The following NCKAP5 variants were observed in gnomAD, a reference collection of about 807,000 sequenced individuals.
The protein encoded by NCKAP5 is NCK associated protein 5.
Under a neutral mutation model 167.0 loss-of-function variants are expected in NCKAP5, and 92 were observed. The ratio of observed to expected loss-of-function variants is 0.55; its 90% CI spans 0.47 to 0.66. The LOEUF is 0.66. Among genes scored for constraint, NCKAP5 ranks in the 30% least tolerant of loss-of-function variants. The pLI is 0.00. For synonymous variants in NCKAP5, 891 were observed against 877.4 expected, an observed-to-expected ratio of 1.02 and a Z score of -0.27; for missense variants, 2,378 against 2,315.0, an observed-to-expected ratio of 1.03 and a Z score of -0.56.
At chr2:133,470,155 G>A (rs1692938404) in intron 3 of NCKAP5, among the ~76,000 whole-genome samples, 1 of 152,026 alleles carries the variant, frequency 6.6e-6, no homozygotes, top group Non-Finnish European at 1.5e-5. Context: ...TCTACTTTTG[G>A]TCTTTGATGA....
the NCKAP5 span, among the ~76,000 whole-genome samples, chr2:133,629,842 G>T: frequency 3.3e-4 from 51 of 152,288 alleles, no homozygotes; most frequent in African/African-American, 1.1e-3. Context: ...CATGGATGGA[G>T]CTGGAAGCCA....
chr2:133,320,272 A>G (rs1204701947), intron 3 of NCKAP5, among the ~76,000 whole-genome samples: 1 of 152,316 alleles, frequency 6.6e-6, no homozygotes, highest in Admixed American at 6.5e-5. Flanking sequence ...ATTACTGCTC[A>G]GTCCCTTCCT....
chr2:132,738,296 A>T (rs2105550954), intron 16 of NCKAP5, among the ~76,000 whole-genome samples: 1 of 152,302 alleles, frequency 6.6e-6, no homozygotes, highest in Admixed American at 6.5e-5. Context: ...AGCCAACAGT[A>T]GGCTGTTCTA....
intron 7 of NCKAP5, among the ~76,000 whole-genome samples, chr2:132,984,030 C>T (rs1465669203): frequency 6.6e-6 from 1 of 152,142 alleles, no homozygotes; most frequent in Non-Finnish European, 1.5e-5. Context: ...GCTGAGGCAG[C>T]AGGACTGCTT....
At chr2:133,576,986 G>A in the NCKAP5 span, among the ~76,000 whole-genome samples, 1 of 152,186 alleles carries the variant, frequency 6.6e-6, no homozygotes, top group African/African-American at 2.4e-5. Flanking sequence ...TCATCTCAGA[G>A]ATGAGACCAG....
chr2:133,435,957 TA>T (rs1312096650), intron 3 of NCKAP5, among the ~76,000 whole-genome samples: 1 of 152,190 alleles, frequency 6.6e-6, no homozygotes, highest in African/African-American at 2.4e-5. Context: ...TCTTCCTTTA[TA>T]AAATAGTTAC....
chr2:133,059,615 G>A (rs1000513558), intron 6 of NCKAP5, among the ~76,000 whole-genome samples: 1 of 151,490 alleles, frequency 6.6e-6, no homozygotes, highest in African/African-American at 2.4e-5. Flanking sequence ...TGAGGATGCA[G>A]TAAGCTGCAA....
Position 132,939,532 on chromosome 2 carries a change from C to T in NCKAP5, c.579+24188G>A, listed in dbSNP as rs368015378. Among the ~76,000 whole-genome samples the T allele has an allele frequency of 2.6e-5, 4 of 152,024 alleles. No individual in the cohort carries two copies. The East Asian group carries it at 5.8e-4, about 22-fold the overall frequency. ...TTCTGTTTGTTCAAGTGCTGTAAGA[C>T]CTATTTTTTTTTACATTAGTTAAAT... On this transcript the variant is annotated intron_variant, in intron 8 of 19. Transcript: ENST00000409261.
the NCKAP5 span, among the ~76,000 whole-genome samples, chr2:133,585,103 A>T: frequency 3.3e-5 from 5 of 152,222 alleles, no homozygotes; most frequent in Non-Finnish European, 7.3e-5. Context: ...TTCACTATGT[A>T]TATCAAAACA....
intron 7 of NCKAP5, among the ~76,000 whole-genome samples, chr2:132,974,446 T>C (rs2076919369): frequency 6.6e-6 from 1 of 152,176 alleles, no homozygotes; most frequent in African/African-American, 2.4e-5. Context: ...AGTTCAGACA[T>C]ACAATTTTAC....
At chr2:133,560,827 G>T (rs1688103769) in intron 1 of NCKAP5, among the ~76,000 whole-genome samples, 1 of 152,178 alleles carries the variant, frequency 6.6e-6, no homozygotes, top group Non-Finnish European at 1.5e-5. Context: ...TGAGAGTAAG[G>T]CTCACTGAAA....
intron 3 of NCKAP5, among the ~76,000 whole-genome samples, chr2:133,471,431 C>G (rs1679297604): frequency 6.6e-6 from 1 of 152,146 alleles, no homozygotes. Context: ...TGACATTTCT[C>G]TCTTGCGACC....
At position 132,741,129 on chromosome 2, in the gene NCKAP5, G is replaced by GA. The variant is rs1197840132; in HGVS notation, c.5129-9079dup. 2.0e-5 allele frequency among the ~76,000 whole-genome samples: 3 copies of GA among 151,620 alleles called. No individual in the cohort carries two copies. In the East Asian group the frequency reaches 5.8e-4, roughly 29 times the overall value. ...TTCATATACAGCTGTTATAGCCTCT[G>GA]AAAAAAAACTCCTTCATGTGCTTCT... On this transcript the variant is annotated intron_variant, in intron 16 of 19. Transcript: ENST00000409261.
At chr2:133,670,456 C>T in the NCKAP5 span, among the ~76,000 whole-genome samples, 1 of 152,208 alleles carries the variant, frequency 6.6e-6, no homozygotes, top group Non-Finnish European at 1.5e-5. Context: ...AACTCATATA[C>T]ATGAATCTCC....
intron 3 of NCKAP5, among the ~76,000 whole-genome samples, chr2:133,413,881 T>C (rs1688936598): frequency 6.6e-6 from 1 of 152,230 alleles, no homozygotes. Context: ...ATTAGATTTT[T>C]CTGTTTTTCT....
At chr2:133,359,913 T>A (rs969196057) in intron 3 of NCKAP5, among the ~76,000 whole-genome samples, 4 of 152,196 alleles carry the variant, frequency 2.6e-5, no homozygotes, top group African/African-American at 9.7e-5. Context: ...TTATACAGAC[T>A]TTTTGGAGGT....
intron 3 of NCKAP5, among the ~76,000 whole-genome samples, chr2:133,380,068 A>G (rs1311193085): frequency 6.6e-5 from 10 of 152,198 alleles, no homozygotes; most frequent in Non-Finnish European, 1.5e-4. Flanking sequence ...ACCTAAAAGC[A>G]AATTTCTCCT....
intron 3 of NCKAP5, among the ~76,000 whole-genome samples, chr2:133,411,857 T>C (rs1375348534): frequency 6.6e-6 from 1 of 152,174 alleles, no homozygotes; most frequent in East Asian, 1.9e-4. Context: ...TTTCTTCTCC[T>C]TCCCATGATC....
chr2:133,567,700 T>TGTGTGTG (rs1553444010), intron 1 of NCKAP5, among the ~76,000 whole-genome samples: 3 of 137,270 alleles, frequency 2.2e-5, no homozygotes, highest in Admixed American at 7.4e-5. Context: ...TGTGTGTGTG[T>TGTGTGTG]TTGGGGAGAG....
Sources: gnomAD v4.1 joint callset for allele counts (sites outside exome capture counted in the v4.1 genomes callset) on GRCh38, gnomAD v4.1.1 for gene constraint, MANE v1.5 for transcripts, NCBI Gene and HGNC (gene_info 2026-07-23, HGNC 2026-07-21) for gene names.